Variants in C8A observed in about 807,000 individuals in gnomAD.
C8A encodes the protein complement component C8 alpha chain.
In C8A, 67 loss-of-function variants were observed where a neutral mutation model predicts 65.3. That is an observed-to-expected ratio of 1.03 (90% CI 0.84 to 1.26). The LOEUF is 1.26. Among genes scored for constraint, C8A ranks in the 50% most tolerant of loss-of-function variants. The pLI is 0.00. For missense variants in C8A, 781 were observed against 723.9 expected (o/e 1.08, Z -0.90); for synonymous variants, 290 against 259.4 (o/e 1.12, Z -1.13).
chr1:56,906,911 G>T, intron 8 of C8A, 119 bp downstream of exon 8: 2 of 1,252,098 alleles, frequency 1.6e-6, no homozygotes, highest in Admixed American at 1.7e-5. Context: ...TGATCAGACT[G>T]CATAGACGCT....
intron 1 of C8A, among the ~76,000 whole-genome samples, chr1:56,857,294 G>GTTA (rs1293187501): frequency 8.0e-6 from 1 of 125,624 alleles, no homozygotes; most frequent in Non-Finnish European, 1.7e-5. Context: ...TTAAAGCTCT[G>GTTA]TTATTAAATA....
intron 7 of C8A, among the ~76,000 whole-genome samples, chr1:56,902,434 T>A (rs1570348023): frequency 6.6e-6 from 1 of 152,328 alleles, no homozygotes; most frequent in East Asian, 1.9e-4. Context: ...TTCAAAAGGA[T>A]GTGGCTTTGA....
intron 9 of C8A, among the ~76,000 whole-genome samples, chr1:56,909,689 G>A (rs1644491680): frequency 6.6e-6 from 1 of 152,148 alleles, no homozygotes; most frequent in Admixed American, 6.5e-5. Context: ...GTGAGAGGGA[G>A]GAGAAAGACA....
chr1:56,904,682 T>A (rs1329248730), intron 7 of C8A, among the ~76,000 whole-genome samples: 2 of 152,170 alleles, frequency 1.3e-5, no homozygotes, highest in Non-Finnish European at 2.9e-5. Context: ...TTCATGAACC[T>A]CAGGCATCTC....
chr1:56,864,278 G>T (rs749302962), intron 1 of C8A, among the ~76,000 whole-genome samples: 1 of 152,182 alleles, frequency 6.6e-6, no homozygotes, highest in Non-Finnish European at 1.5e-5. Flanking sequence ...GGGATTTACA[G>T]TTAGGTGTGA....
chr1:56,860,759 A>C (rs1166807073), intron 1 of C8A, among the ~76,000 whole-genome samples: 1 of 152,208 alleles, frequency 6.6e-6, no homozygotes, highest in African/African-American at 2.4e-5. Context: ...ATTTGCACAG[A>C]TGGTGTATGA....
intron 7 of C8A, among the ~76,000 whole-genome samples, chr1:56,895,816 A>G (rs1644383590): frequency 6.6e-6 from 1 of 152,052 alleles, no homozygotes; most frequent in South Asian, 2.1e-4. Flanking sequence ...CAGGCATGGT[A>G]CATGTGCCTG....
intron 8 of C8A, among the ~76,000 whole-genome samples, chr1:56,907,528 G>A (rs1050137507): frequency 4.6e-5 from 7 of 152,110 alleles, no homozygotes; most frequent in African/African-American, 1.7e-4. Flanking sequence ...ACCCCCTACT[G>A]TATAGCTAAC....
intron 1 of C8A, among the ~76,000 whole-genome samples, chr1:56,857,168 A>T: frequency 6.6e-6 from 1 of 152,004 alleles, no homozygotes. Flanking sequence ...TTGGTTGTTA[A>T]TGTCACTCAA....
At chr1:56,900,222 T>A (rs1644416414) in intron 7 of C8A, among the ~76,000 whole-genome samples, 1 of 152,220 alleles carries the variant, frequency 6.6e-6, no homozygotes, top group Non-Finnish European at 1.5e-5. Flanking sequence ...CTCTGCAGAA[T>A]AACAGTAGCA....
At chr1:56,901,151 A>T (rs913709964) in intron 7 of C8A, among the ~76,000 whole-genome samples, 1 of 152,046 alleles carries the variant, frequency 6.6e-6, no homozygotes, top group African/African-American at 2.4e-5. Flanking sequence ...CCAGCCACAC[A>T]CTCCAATCAT....
At chr1:56,892,499 TCA>T (rs755720821) in intron 7 of C8A, among the ~76,000 whole-genome samples, 1 of 152,068 alleles carries the variant, frequency 6.6e-6, no homozygotes, top group Admixed American at 6.6e-5. Flanking sequence ...TTACTGGGAC[TCA>T]CAGCCTGGGA....
At chr1:56,876,752 T>G (rs2101221067) in intron 4 of C8A, among the ~76,000 whole-genome samples, 1 of 152,218 alleles carries the variant, frequency 6.6e-6, no homozygotes, top group East Asian at 1.9e-4. Flanking sequence ...AAATCAGCCT[T>G]GATTCTAACT....
At chr1:56,875,917 G>A in intron 3 of C8A, 145 bp from the exon 4 acceptor site, 6 of 1,139,026 alleles carry the variant, frequency 5.3e-6, no homozygotes, top group East Asian at 2.6e-5. Context: ...TCATTAGGCT[G>A]GAAGGAAGGC....
At chr1:56,914,786 C>T (rs1774894) in intron 10 of C8A, among the ~76,000 whole-genome samples, 15,598 of 152,106 alleles carry the variant, frequency 0.1, 1,257 homozygotes, top group African/African-American at 0.22. Flanking sequence ...CACCTCAGCC[C>T]GCCCTGCCCC....
At position 56,886,055 on chromosome 1, in the gene C8A, C is replaced by T; in HGVS notation, c.984C>T (p.Gly328=). 6.2e-7 allele frequency: 1 copy of T among 1,614,042 alleles called. No homozygotes were observed. The highest frequency in any genetic ancestry group is 1.3e-5 in the African/African-American group (1 of 75,062). ...LMELPDQYNY[G]MYAKFINDYG... ...AGCTTCCAGATCAGTACAATTATGG[C>T]ATGTATGCCAAGTTCATCAATGACT... Residue 328 remains glycine (G), a synonymous_variant, in exon 7 of 11, where the codon GGC becomes GGT. Transcript: ENST00000361249.
At chr1:56,897,024 C>T (rs1022691838) in intron 7 of C8A, among the ~76,000 whole-genome samples, 8 of 152,092 alleles carry the variant, frequency 5.3e-5, no homozygotes, top group African/African-American at 1.4e-4. Context: ...AGAGGCAGGG[C>T]GAGGTTTGAA....
At chr1:56,856,372 A>C (rs534073034) in intron 1 of C8A, among the ~76,000 whole-genome samples, 1 of 152,156 alleles carries the variant, frequency 6.6e-6, no homozygotes, top group Admixed American at 6.5e-5. Flanking sequence ...GAAAGTACTT[A>C]GATCAATACC....
At chr1:56,872,576 G>C (rs1644156749) in intron 2 of C8A, among the ~76,000 whole-genome samples, 1 of 152,088 alleles carries the variant, frequency 6.6e-6, no homozygotes, top group Non-Finnish European at 1.5e-5. Context: ...AGTCTTAAAA[G>C]ACCTCATGGT....
Sources: allele counts gnomAD v4.1 joint callset (sites outside exome capture counted in the v4.1 genomes callset), GRCh38; gene constraint gnomAD v4.1.1; transcripts MANE v1.5; gene names NCBI Gene and HGNC (gene_info 2026-07-23, HGNC 2026-07-21).